The following ARHGAP15 variants were observed in gnomAD, a reference collection of about 807,000 sequenced individuals.
The protein encoded by ARHGAP15 is rho GTPase-activating protein 15.
In ARHGAP15, 51 loss-of-function variants were observed where a neutral mutation model predicts 63.7. That is an observed-to-expected ratio of 0.80 (90% confidence interval 0.64 to 1.01). The LOEUF is 1.01. Ranked by LOEUF, ARHGAP15 falls within the 50% of genes least tolerant of loss-of-function variation. ARHGAP15 has a pLI of 0.00. For missense variants in ARHGAP15, 560 were observed against 564.6 expected (o/e 0.99, Z 0.08); for synonymous variants, 191 against 193.8 (o/e 0.99, Z 0.12).
At chr2:143,617,018 G>A (rs369224777) in intron 11 of ARHGAP15, among the ~76,000 whole-genome samples, 24 of 152,242 alleles carry the variant, frequency 1.6e-4, no homozygotes, top group East Asian at 1.2e-3. Flanking sequence ...ATATGAAAAC[G>A]GCAATCATGA....
intron 9 of ARHGAP15, among the ~76,000 whole-genome samples, chr2:143,510,018 T>TAAAAAAAAAAAAAAAAAAAAA (rs35469918): frequency 1.4e-4 from 7 of 48,808 alleles, no homozygotes; most frequent in Non-Finnish European, 1.4e-4. Context: ...GACTCCCTCT[T>TAAAAAAAAAAAAAAAAAAAAA]AAAAAAAAAA....
chr2:143,600,612 T>G (rs1313349711), intron 11 of ARHGAP15, among the ~76,000 whole-genome samples: 1 of 152,184 alleles, frequency 6.6e-6, no homozygotes, highest in Non-Finnish European at 1.5e-5. Flanking sequence ...AGTTTTGTAT[T>G]GCTTTAAATT....
At position 143,487,468 on chromosome 2, in the gene ARHGAP15, A is replaced by G. The variant is rs1465287610; in HGVS notation, c.799A>G (p.Thr267Ala). Reference protein sequence around the residue: ...KFITRRPSLKTLQEKGLIKDQ... With the variant: ...KFITRRPSLKALQEKGLIKDQ... ...TATTACCCGAAGACCTTCCCTGAAAACTCTGCAAGAAAAAGGACTTATTAA... is the reference window on the plus strand; with the variant it reads ...TATTACCCGAAGACCTTCCCTGAAAGCTCTGCAAGAAAAAGGACTTATTAA... Residue 267 changes from threonine (T) to alanine (A), a missense_variant, in exon 9 of 14, where the codon ACT (threonine) becomes GCT (alanine). Physicochemically the swap from Thr to Ala is moderately conservative, Grantham distance 58 (BLOSUM62 0). Coordinates refer to ENST00000295095, the MANE Select transcript of ARHGAP15 (RefSeq NM_018460.4). 1.9e-6 allele frequency: 3 copies of G among 1,612,630 alleles called. No homozygotes were observed. Among genetic ancestry groups the G allele is most frequent in the Admixed American group, 3.3e-5 (2 of 59,784 alleles).
rs188314093 is a variant in ARHGAP15 at position 143,186,446 on chromosome 2, A to G, written c.166-15688A>G. ...ATTAAACATGTCCTTTTTGCATGTG[A>G]CCAAAATCATTGGTTCCTAGGTATG... On this transcript the variant is annotated intron_variant, in intron 2 of 13. Coordinates refer to ENST00000295095, the MANE Select transcript of ARHGAP15 (RefSeq NM_018460.4). Among the ~76,000 whole-genome samples, 10 of 152,254 alleles carry G rather than the reference A, an allele frequency of 6.6e-5. No homozygotes were observed. In the East Asian group the frequency reaches 1.9e-3, roughly 29 times the overall value.
chr2:143,690,496 G>A lies in ARHGAP15; in HGVS notation c.1139-12923G>A, dbSNP rs187534415. ...TGCGTCTTTACCTGGAAATGATAAC[G>A]GGCCCCAGAGGGGAATGTTTATTTT... On this transcript the variant is annotated intron_variant, in intron 12 of 13. Coordinates refer to ENST00000295095, the MANE Select transcript of ARHGAP15 (RefSeq NM_018460.4). Among the ~76,000 whole-genome samples the A allele has an allele frequency of 9.2e-5, 14 of 152,226 alleles. No homozygotes were observed. In the East Asian group the frequency reaches 2.5e-3, roughly 27 times the overall value.
intron 5 of ARHGAP15, among the ~76,000 whole-genome samples, chr2:143,234,799 T>C (rs1382577912): frequency 6.6e-6 from 1 of 152,172 alleles, no homozygotes; most frequent in African/African-American, 2.4e-5. Context: ...TATAAACAAA[T>C]GACCTCAGGA....
intron 10 of ARHGAP15, among the ~76,000 whole-genome samples, chr2:143,525,611 G>A (rs2105000273): frequency 1.3e-5 from 2 of 152,060 alleles, no homozygotes; most frequent in East Asian, 3.9e-4. Context: ...TTAGTGCTTT[G>A]GTGTTTTGTG....
intron 10 of ARHGAP15, among the ~76,000 whole-genome samples, chr2:143,545,290 GAT>G (rs918827349): frequency 6.6e-5 from 10 of 152,138 alleles, no homozygotes; most frequent in Non-Finnish European, 1.5e-4. Context: ...CCTCCCCAAA[GAT>G]CAAAAGTTAT....
intron 6 of ARHGAP15, among the ~76,000 whole-genome samples, chr2:143,320,413 C>CCCCCCCCCG (rs1683963320): frequency 2.4e-5 from 2 of 83,640 alleles, no homozygotes; most frequent in Non-Finnish European, 4.9e-5. Context: ...TCCCCACCCC[C>CCCCCCCCCG]CCCCCCCCCA....
intron 6 of ARHGAP15, among the ~76,000 whole-genome samples, chr2:143,315,731 G>A (rs1258172265): frequency 6.6e-6 from 1 of 152,008 alleles, no homozygotes; most frequent in Non-Finnish European, 1.5e-5. Context: ...CCTAAAAAAT[G>A]ACAAGTCGTG....
At chr2:143,523,900 A>G (rs1694158130) in intron 10 of ARHGAP15, among the ~76,000 whole-genome samples, 1 of 152,154 alleles carries the variant, frequency 6.6e-6, no homozygotes, top group Non-Finnish European at 1.5e-5. Flanking sequence ...TGTATGTCAT[A>G]TGCTTTTGAC....
intron 8 of ARHGAP15, among the ~76,000 whole-genome samples, chr2:143,450,786 CAATTT>C (rs1007343337): frequency 6.6e-6 from 1 of 151,898 alleles, no homozygotes; most frequent in African/African-American, 2.4e-5. Flanking sequence ...CAGTTGGTGA[CAATTT>C]AAGGTGAGTC....
intron 6 of ARHGAP15, among the ~76,000 whole-genome samples, chr2:143,252,882 G>C (rs540797778): frequency 1.3e-5 from 2 of 152,002 alleles, no homozygotes; most frequent in Non-Finnish European, 2.9e-5. Context: ...TTAGCTGGTC[G>C]AACTCTCAAA....
At chr2:143,334,180 T>C (rs1200137184) in intron 6 of ARHGAP15, among the ~76,000 whole-genome samples, 1 of 152,176 alleles carries the variant, frequency 6.6e-6, no homozygotes, top group Middle Eastern at 3.2e-3. Flanking sequence ...GAAAATATAG[T>C]TATATTTATT....
At chr2:143,450,486 TA>T (rs1359819102) in intron 8 of ARHGAP15, among the ~76,000 whole-genome samples, 4 of 151,940 alleles carry the variant, frequency 2.6e-5, no homozygotes, top group African/African-American at 9.7e-5. Flanking sequence ...GTTGTGTTAT[TA>T]TAGATGTGAC....
chr2:143,707,383 T>C (rs1441320635), intron 13 of ARHGAP15, among the ~76,000 whole-genome samples: 2 of 152,232 alleles, frequency 1.3e-5, no homozygotes, highest in African/African-American at 2.4e-5. Flanking sequence ...GCATTATTTT[T>C]AAAAGCAAAA....
intron 1 of ARHGAP15, among the ~76,000 whole-genome samples, chr2:143,144,555 G>T (rs1367928657): frequency 2.0e-5 from 3 of 151,990 alleles, no homozygotes; most frequent in East Asian, 3.9e-4. Context: ...TTATGCAAAA[G>T]AATTTATTTT....
intron 2 of ARHGAP15, among the ~76,000 whole-genome samples, chr2:143,188,295 CAT>C (rs1208460194): frequency 6.6e-6 from 1 of 152,024 alleles, no homozygotes; most frequent in Non-Finnish European, 1.5e-5. Context: ...ATTATATAAA[CAT>C]AAATTTCTTT....
chr2:143,407,944 T>C (rs1470388970), intron 6 of ARHGAP15, among the ~76,000 whole-genome samples: 3 of 142,016 alleles, frequency 2.1e-5, no homozygotes, highest in East Asian at 4.1e-4. Flanking sequence ...TCTGGAATAA[T>C]TTTTCTTCTG....
Sources: allele counts gnomAD v4.1 joint callset (sites outside exome capture counted in the v4.1 genomes callset), GRCh38; gene constraint gnomAD v4.1.1; transcripts MANE v1.5; gene names NCBI Gene and HGNC (gene_info 2026-07-23, HGNC 2026-07-21).